B3GALT1: variants seen among roughly 807,000 people sequenced by gnomAD.
The protein encoded by B3GALT1 is UDP-Gal:betaGlcNAc beta 1,3-galactosyltransferase, polypeptide 1.
A neutral mutation model predicts 23.2 loss-of-function variants in B3GALT1; 10 were observed. The ratio of observed to expected loss-of-function variants is 0.43; its 90% CI spans 0.27 to 0.73. B3GALT1 has a LOEUF of 0.73. Among genes scored for constraint, B3GALT1 ranks in the 30% least tolerant of loss-of-function variants. The probability of loss-of-function intolerance (pLI) is 0.21; values close to 1 mark genes in which losing one functional copy is unlikely to be tolerated. For synonymous variants in B3GALT1, 156 were observed against 141.5 expected, an observed-to-expected ratio of 1.10 and a Z score of -0.73; for missense variants, 299 against 405.4, an observed-to-expected ratio of 0.74 and a Z score of 2.25.
At chr2:167,362,032 C>G (rs1283918306) in intron 1 of B3GALT1, among the ~76,000 whole-genome samples, 1 of 152,128 alleles carries the variant, frequency 6.6e-6, no homozygotes, top group Non-Finnish European at 1.5e-5. Context: ...CGTGATCACA[C>G]CACTGCACTC....
intron 3 of B3GALT1, among the ~76,000 whole-genome samples, chr2:167,817,143 G>A (rs1689010322): frequency 6.6e-6 from 1 of 152,192 alleles, no homozygotes; most frequent in Non-Finnish European, 1.5e-5. Context: ...TGTCTAGGCT[G>A]AGTAGATCTA....
At chr2:167,757,480 A>G (rs1211198021) in intron 3 of B3GALT1, among the ~76,000 whole-genome samples, 2 of 152,156 alleles carry the variant, frequency 1.3e-5, no homozygotes, top group Non-Finnish European at 1.5e-5. Context: ...CCACCATTAC[A>G]CTGTAATACC....
chr2:167,435,204 G>A (rs1207257001), intron 1 of B3GALT1, among the ~76,000 whole-genome samples: 1 of 151,628 alleles, frequency 6.6e-6, no homozygotes, highest in African/African-American at 2.4e-5. Flanking sequence ...AACAACCTTT[G>A]CTTGATACAT....
chr2:167,454,218 C>T (rs561840309), intron 1 of B3GALT1, among the ~76,000 whole-genome samples: 23 of 148,500 alleles, frequency 1.5e-4, no homozygotes, highest in South Asian at 6.2e-4. Flanking sequence ...TGTGCGCACG[C>T]GCGCGTGCAC....
At chr2:167,854,162 A>C (rs1278249342) in intron 4 of B3GALT1, among the ~76,000 whole-genome samples, 1 of 152,176 alleles carries the variant, frequency 6.6e-6, no homozygotes, top group Non-Finnish European at 1.5e-5. Flanking sequence ...TGTACCATAT[A>C]AAGTTTATGA....
chr2:167,627,811 A>C (rs976988708), intron 2 of B3GALT1, among the ~76,000 whole-genome samples: 1 of 151,660 alleles, frequency 6.6e-6, no homozygotes, highest in African/African-American at 2.4e-5. Flanking sequence ...TGAAAGTTCT[A>C]GTTGTTCTAC....
chr2:167,333,732 CACTT>C (rs1382830435), intron 1 of B3GALT1, among the ~76,000 whole-genome samples: 8 of 152,048 alleles, frequency 5.3e-5, no homozygotes, highest in Non-Finnish European at 1.2e-4. Context: ...CATTAGATGA[CACTT>C]AGAGAATTAG....
chr2:167,601,928 C>T (rs920335307), intron 2 of B3GALT1, among the ~76,000 whole-genome samples: 1 of 152,142 alleles, frequency 6.6e-6, no homozygotes, highest in African/African-American at 2.4e-5. Context: ...CATTAAATAG[C>T]ATAAAATGGT....
intron 4 of B3GALT1, among the ~76,000 whole-genome samples, chr2:167,849,781 T>G (rs1689837782): frequency 6.6e-6 from 1 of 150,866 alleles, no homozygotes. Context: ...TCCCAGCTAC[T>G]CGGGAGGCTG....
chr2:167,741,503 G>A (rs73019356), intron 3 of B3GALT1, among the ~76,000 whole-genome samples: 1 of 152,106 alleles, frequency 6.6e-6, no homozygotes, highest in Non-Finnish European at 1.5e-5. Context: ...AGATAAGGGG[G>A]TGCATTGTTT....
At chr2:167,447,581 C>A (rs1304995545) in intron 1 of B3GALT1, among the ~76,000 whole-genome samples, 2 of 152,158 alleles carry the variant, frequency 1.3e-5, no homozygotes, top group Non-Finnish European at 1.5e-5. Flanking sequence ...CTCCCCCAGC[C>A]TCTCTGCCCC....
At chr2:167,440,560 T>C in intron 1 of B3GALT1, among the ~76,000 whole-genome samples, 1 of 152,076 alleles carries the variant, frequency 6.6e-6, no homozygotes, top group Non-Finnish European at 1.5e-5. Flanking sequence ...CTGATGCAAG[T>C]ATGATTCAGC....
chr2:167,745,046 CTCT>C (rs1687632160), intron 3 of B3GALT1, among the ~76,000 whole-genome samples: 1 of 151,790 alleles, frequency 6.6e-6, no homozygotes, highest in Admixed American at 6.6e-5. Context: ...ATTTCTCTGC[CTCT>C]TTTTTTTTCT....
intron 1 of B3GALT1, among the ~76,000 whole-genome samples, chr2:167,401,598 C>T (rs1018677237): frequency 1.3e-5 from 2 of 152,140 alleles, no homozygotes; most frequent in East Asian, 3.9e-4. Context: ...TCCCCAACTA[C>T]AGGAGATCCA....
chr2:167,774,689 G>T (rs971778902), intron 3 of B3GALT1, among the ~76,000 whole-genome samples: 9 of 151,772 alleles, frequency 5.9e-5, no homozygotes, highest in Admixed American at 5.9e-4. Context: ...GTAGAGACAG[G>T]GTTTCACCAT....
At chr2:167,659,286 G>A (rs892265956) in intron 3 of B3GALT1, among the ~76,000 whole-genome samples, 3 of 150,546 alleles carry the variant, frequency 2.0e-5, no homozygotes, top group Admixed American at 2.0e-4. Flanking sequence ...TTTTTAAATT[G>A]TTACCCTTTG....
chr2:167,367,651 C>T (rs1697610888), intron 1 of B3GALT1, among the ~76,000 whole-genome samples: 1 of 152,162 alleles, frequency 6.6e-6, no homozygotes, highest in Non-Finnish European at 1.5e-5. Flanking sequence ...AACGACTTTA[C>T]ATCTGGGAAA....
chr2:167,322,298 C>A (rs1444452013), intron 1 of B3GALT1, among the ~76,000 whole-genome samples: 3 of 149,398 alleles, frequency 2.0e-5, no homozygotes, highest in African/African-American at 7.4e-5. Context: ...AGTTGAGTTT[C>A]TGAAAAAAAA....
At chr2:167,367,240 A>C (rs1253066814) in intron 1 of B3GALT1, among the ~76,000 whole-genome samples, 1 of 152,258 alleles carries the variant, frequency 6.6e-6, no homozygotes, top group East Asian at 1.9e-4. Context: ...CTGGGAAAAA[A>C]ATCAAAAGAA....
Sources: allele counts gnomAD v4.1 joint callset (sites outside exome capture counted in the v4.1 genomes callset), GRCh38; gene constraint gnomAD v4.1.1; transcripts MANE v1.5; gene names NCBI Gene and HGNC (gene_info 2026-07-23, HGNC 2026-07-21).